SEZ6L2: variants seen among roughly 807,000 people sequenced by gnomAD.
The protein encoded by SEZ6L2 is seizure related 6 homolog like 2.
SEZ6L2 carries 44 observed loss-of-function variants against 97.0 expected under a neutral mutation model. That is an observed-to-expected ratio of 0.45 (90% confidence interval 0.36 to 0.58). The LOEUF (loss-of-function observed/expected upper bound fraction) is 0.58. Among genes scored for constraint, SEZ6L2 ranks in the 20% least tolerant of loss-of-function variants. SEZ6L2 has a pLI of 0.00. For missense variants in SEZ6L2, 1,086 were observed against 1,233.3 expected, an observed-to-expected ratio of 0.88 and a Z score of 1.79; for synonymous variants, 543 against 546.1, an observed-to-expected ratio of 0.99 and a Z score of 0.08.
intron 12 of SEZ6L2, among the ~76,000 whole-genome samples, chr16:29,874,573 T>TTTTTTTTTTTTTTTTTTTTTTTTG (rs1567410780): frequency 8.8e-6 from 1 of 113,224 alleles, no homozygotes; most frequent in Non-Finnish European, 1.9e-5. Context: ...TTTTTTTTTT[T>TTTTTTTTTTTTTTTTTTTTTTTTG]TTTTTTTTTT....
At chr16:29,889,752 C>T (rs1389600825) in intron 5 of SEZ6L2, among the ~76,000 whole-genome samples, 1 of 149,610 alleles carries the variant, frequency 6.7e-6, no homozygotes, top group Admixed American at 6.7e-5. Flanking sequence ...CCCAGCCTCC[C>T]AAGTAGCTGG....
chr16:29,875,983 C>T (rs1171953919), intron 12 of SEZ6L2, among the ~76,000 whole-genome samples: 5 of 152,062 alleles, frequency 3.3e-5, no homozygotes, highest in Non-Finnish European at 7.4e-5. Flanking sequence ...TGTGAAATCT[C>T]CTGCCCCAGC....
Position 29,888,681 on chromosome 16 carries a change from C to A in SEZ6L2, c.898G>T (p.Asp300Tyr). The change falls in exon 6 of 18, where the codon GAC becomes TAC. Residue 300 changes from aspartate to tyrosine, a missense_variant. Physicochemically the swap from Asp to Tyr is radical, Grantham distance 160. This residue lies in a region of SEZ6L2 where 776 missense variants were observed against 794.7 expected (regional missense o/e 0.98). Transcript: ENST00000617533. ...GGGTGCAGGTCCGTCACACTCACGT[C>A]CCCATGGGCCGGCCGGGGAGGGAAG... is the stretch of plus-strand genomic sequence containing the variant. ...CGFPPRPAHG[D>Y]VSVTDLHPGG... 1 of 1,613,796 alleles carries A rather than the reference C, an allele frequency of 6.2e-7. No homozygotes were observed. Among genetic ancestry groups the A allele is most frequent in the Non-Finnish European group, 8.5e-7 (1 of 1,179,836 alleles).
intron 10 of SEZ6L2, among the ~76,000 whole-genome samples, chr16:29,877,772 C>A (rs74017640): frequency 6.6e-6 from 1 of 152,146 alleles, no homozygotes. Context: ...CACAGCCTAG[C>A]CCAACTCCAG....
rs982484969 is a variant in SEZ6L2 at position 29,876,228 on chromosome 16, C to A, written c.2104+528G>T. ...TATGGAGGGGCTTGAACCCCCTTCG[C>A]CTAACCCCAACCCAGCACGGGGCTT... On this transcript the variant is annotated intron_variant, in intron 12 of 17. Transcript: ENST00000617533. The surrounding 1 kb of genome is among the most constrained non-coding windows in gnomAD (Gnocchi z 6.5). 6.6e-6 allele frequency among the ~76,000 whole-genome samples: 1 copy of A among 152,170 alleles called. No homozygotes were observed. Among genetic ancestry groups the A allele is most frequent in the Non-Finnish European group, 1.5e-5 (1 of 68,026 alleles).
At chr16:29,875,419 C>G (rs1180927534) in intron 12 of SEZ6L2, among the ~76,000 whole-genome samples, 2 of 152,100 alleles carry the variant, frequency 1.3e-5, no homozygotes, top group African/African-American at 4.8e-5. Context: ...CCCGAGGCAG[C>G]GGGGCCAGCC....
At chr16:29,889,614 CTTTTTTTTTTTTTTTTTTTTT>C (rs869108927) in intron 5 of SEZ6L2, among the ~76,000 whole-genome samples, 1 of 70,524 alleles carries the variant, frequency 1.4e-5, no homozygotes, top group East Asian at 3.0e-4. Context: ...CTTGAAACTT[CTTTTTTTTTTTTTTTTTTTTT>C]TTTTTTTTTT....
chr16:29,878,429 G>A lies in SEZ6L2; in HGVS notation c.1574-4C>T. The A allele has an allele frequency of 1.3e-6, 2 of 1,587,664 alleles. No homozygotes were observed. Among genetic ancestry groups the A allele is most frequent in the Non-Finnish European group, 1.7e-6 (2 of 1,164,820 alleles). On this transcript the variant is annotated splice_region_variant and splice_polypyrimidine_tract_variant and intron_variant, in intron 9 of 17. Transcript: ENST00000617533. ...GACAGCTCCCCTCCACACATGGCTA[G>A]GGAAAAAGGGGTGTCAGGTTCAGGA...
chr16:29,888,456 T>C (rs976618627), intron 6 of SEZ6L2, 84 bp downstream of exon 6: 12 of 1,437,124 alleles, frequency 8.4e-6, no homozygotes, highest in Non-Finnish European at 1.0e-5. Context: ...TCCCCAAAGG[T>C]GGACACCTGG....
rs1567408540 is a variant in SEZ6L2, at chr16:29,872,411, G to C, written c.2643C>G (p.Thr881=). 1 of 1,613,676 alleles carries C rather than the reference G, an allele frequency of 6.2e-7. No individual in the cohort carries two copies. Among genetic ancestry groups the C allele is most frequent in the Non-Finnish European group, 8.5e-7 (1 of 1,179,560 alleles). The change falls in exon 16 of 18, where the codon ACC becomes ACG. Residue 881 remains threonine, a splice_region_variant and synonymous_variant. Coordinates refer to ENST00000617533, the MANE Select transcript of SEZ6L2 (RefSeq NM_001243332.2). Reference sequence around the variant, plus strand: ...CAGTCCCCAAGCAGGCTACTTACTTGGTGTAGTAGATGTAAACGCCACTGC... The same window carrying C: ...CAGTCCCCAAGCAGGCTACTTACTTCGTGTAGTAGATGTAAACGCCACTGC... ...VLGSGVYIYY[T]KLQGKSLFGF...
chr16:29,873,614 C>T lies in SEZ6L2; in HGVS notation c.2220G>A (p.Glu740=). ...TGTAGCAGGTGAGCATGGCTGCCCC[C>T]TCGAGGCTGTACCCTGGCAGGCAGC... ...QYRCLPGYSL[E]GAAMLTCYSR... The change falls in exon 13 of 18, where the codon GAG becomes GAA. Residue 740 remains glutamate, a synonymous_variant. Coordinates refer to ENST00000617533, the MANE Select transcript of SEZ6L2 (RefSeq NM_001243332.2). This position sits in a 1 kb window ranked among gnomAD's most constrained non-coding sequence, Gnocchi z 4.3. 2 of 1,614,094 alleles carry T rather than the reference C, an allele frequency of 1.2e-6. No individual in the cohort carries two copies. Among genetic ancestry groups the T allele is most frequent in the East Asian group, 2.2e-5 (1 of 44,866 alleles).
At chr16:29,897,253 C>G in intron 2 of SEZ6L2, 132 bp from the exon 3 acceptor site, 1 of 775,498 alleles carries the variant, frequency 1.3e-6, no homozygotes, top group Non-Finnish European at 2.0e-6. Context: ...ACAGCACCCC[C>G]CACCTTTCCC....
chr16:29,889,532 C>T (rs1171779707), intron 5 of SEZ6L2, among the ~76,000 whole-genome samples: 2 of 151,680 alleles, frequency 1.3e-5, no homozygotes, highest in African/African-American at 2.4e-5. Flanking sequence ...TCCCTCCACA[C>T]ACACAGCCTT....
chr16:29,887,728 G>A lies in SEZ6L2; in HGVS notation c.1129C>T (p.Arg377Cys), dbSNP rs752385379. The A allele has an allele frequency of 7.1e-5, 114 of 1,612,920 alleles. No individual in the cohort carries two copies. Among genetic ancestry groups the A allele is most frequent in the Admixed American group, 6.4e-4 (38 of 59,814 alleles). Residue 377 changes from arginine (R) to cysteine (C), a missense_variant, in exon 7 of 18, where the codon CGT becomes TGT. Physicochemically the swap from Arg to Cys is radical, Grantham distance 180. Coordinates refer to ENST00000617533, the MANE Select transcript of SEZ6L2 (RefSeq NM_001243332.2). ...GGAVGPNLTC[R>C]WVIEAAEGRR... is the part of the protein sequence containing the mutation. ...CCCTCAGCTGCTTCAATGACCCAAC[G>A]GCAGGTGAGGTTGGGCCCTACGGCT...
At chr16:29,884,202 C>T (rs1442390510) in intron 8 of SEZ6L2, among the ~76,000 whole-genome samples, 1 of 152,172 alleles carries the variant, frequency 6.6e-6, no homozygotes, top group Admixed American at 6.6e-5. Flanking sequence ...AGGCTAAGGC[C>T]AACCAGGATC....
In SEZ6L2 at chr16:29,873,347, G is replaced by A; in HGVS notation, c.2381C>T (p.Ser794Phe). Reference sequence around the variant, plus strand: ...GCCCTCATAGCAGAAGAAGCGCAGAGACTCGCCCGCCTGGTAGTGGTGCTT... The same window carrying A: ...GCCCTCATAGCAGAAGAAGCGCAGAAACTCGCCCGCCTGGTAGTGGTGCTT... Reference protein sequence around the residue: ...LYKHHYQAGESLRFFCYEGFE... With the variant: ...LYKHHYQAGEFLRFFCYEGFE... Residue 794 changes from serine (S) to phenylalanine (F), a missense_variant, in exon 14 of 18, where the codon TCT becomes TTT. Coordinates refer to ENST00000617533, the MANE Select transcript of SEZ6L2 (RefSeq NM_001243332.2). This position sits in a 1 kb window ranked among gnomAD's most constrained non-coding sequence, Gnocchi z 4.3. The A allele has an allele frequency of 6.2e-7, 1 of 1,614,242 alleles. No homozygotes were observed. Among genetic ancestry groups the A allele is most frequent in the Non-Finnish European group, 8.5e-7 (1 of 1,180,042 alleles).
In SEZ6L2 at chr16:29,896,969, G is replaced by T; in HGVS notation, c.364C>A (p.Leu122Met). ...VRGAGPTAPELLTPPPGTTAP... is the reference protein window; with the variant it reads ...VRGAGPTAPEMLTPPPGTTAP... ...GTGGTTCCTGGGGGCGGGGTCAGCA[G>T]TTCTGGCGCAGTGGGGCCTGCCCCC... Residue 122 changes from leucine (L) to methionine (M), a missense_variant, in exon 3 of 18, where the codon CTG (leucine) becomes ATG (methionine). Physicochemically the swap from Leu to Met is conservative, Grantham distance 15 (BLOSUM62 2). This residue lies in a region of SEZ6L2 where 776 missense variants were observed against 794.7 expected (regional missense o/e 0.98). Coordinates refer to ENST00000617533, the MANE Select transcript of SEZ6L2 (RefSeq NM_001243332.2). 1 of 1,594,128 alleles carries T rather than the reference G, an allele frequency of 6.3e-7. No individual in the cohort carries two copies. Among genetic ancestry groups the T allele is most frequent in the Non-Finnish European group, 8.5e-7 (1 of 1,172,128 alleles).
chr16:29,881,071 C>T (rs763084944), intron 8 of SEZ6L2, among the ~76,000 whole-genome samples: 15 of 151,926 alleles, frequency 9.9e-5, no homozygotes, highest in African/African-American at 3.1e-4. Context: ...ATTGCCCTGG[C>T]GTTGGTGGGT....
intron 10 of SEZ6L2, among the ~76,000 whole-genome samples, chr16:29,877,977 T>C (rs748149796): frequency 2.4e-4 from 37 of 152,320 alleles, no homozygotes; most frequent in South Asian, 8.3e-4. Flanking sequence ...TCTGTGTCCG[T>C]GGAAATAGCT....
Sources: gnomAD v4.1 joint callset for allele counts (sites outside exome capture counted in the v4.1 genomes callset) on GRCh38, gnomAD v4.1.1 for gene constraint, gnomAD v4.1.1 regional missense constraint, Gnocchi (gnomAD v3.1) non-coding constraint, MANE v1.5 for transcripts, NCBI Gene and HGNC (gene_info 2026-07-23, HGNC 2026-07-21) for gene names.